Variants in TRPS1 observed in about 807,000 individuals in gnomAD.
TRPS1 encodes the protein zinc finger transcription factor Trps1.
A neutral mutation model predicts 101.2 loss-of-function variants in TRPS1; 6 were observed. The observed-to-expected ratio is 0.06, with a 90% confidence interval of 0.03 to 0.12. The LOEUF (loss-of-function observed/expected upper bound fraction) is 0.12, where lower values mean the gene tolerates loss of function less well. TRPS1 is among the 10% of genes least tolerant of loss of function. The pLI, the probability that TRPS1 is intolerant of heterozygous loss-of-function variation, is 1.00. For missense variants in TRPS1, 1,363 were observed against 1,567.0 expected (o/e 0.87, Z 2.20); for synonymous variants, 578 against 589.8 (o/e 0.98, Z 0.29).
intron 5 of TRPS1, among the ~76,000 whole-genome samples, chr8:115,467,368 A>AAATCAG (rs1814348906): frequency 1.3e-5 from 2 of 152,100 alleles, no homozygotes; most frequent in Admixed American, 1.3e-4. Flanking sequence ...TGTTGGAAAG[A>AAATCAG]AATCAGTGGT....
chr8:115,603,748 T>C, intron 4 of TRPS1, 125 bp downstream of exon 4: 2 of 1,135,346 alleles, frequency 1.8e-6, no homozygotes, highest in Non-Finnish European at 2.5e-6. Flanking sequence ...TTATGTGGTC[T>C]TCTCCTATAA....
At chr8:115,593,431 T>C (rs1168422069) in intron 4 of TRPS1, among the ~76,000 whole-genome samples, 1 of 152,222 alleles carries the variant, frequency 6.6e-6, no homozygotes, top group African/African-American at 2.4e-5. Context: ...ACTTTTGCTC[T>C]TGTCTATGGT....
At chr8:115,607,944 A>C (rs747786213) in intron 3 of TRPS1, among the ~76,000 whole-genome samples, 2 of 152,156 alleles carry the variant, frequency 1.3e-5, no homozygotes, top group African/African-American at 4.8e-5. Context: ...TTTTATTTGC[A>C]TGCCCCATTT....
chr8:115,500,048 AAGACGCGATCTC>A (rs1369586476), intron 5 of TRPS1, among the ~76,000 whole-genome samples: 1 of 148,736 alleles, frequency 6.7e-6, no homozygotes, highest in Non-Finnish European at 1.5e-5. Context: ...CCTTTTTTCC[AAGACGCGATCTC>A]GCTCTATCAC....
intron 5 of TRPS1, among the ~76,000 whole-genome samples, chr8:115,427,379 C>T (rs1813211995): frequency 6.6e-6 from 1 of 152,126 alleles, no homozygotes; most frequent in South Asian, 2.1e-4. Context: ...TTTAAATAAT[C>T]ATCATTGCAC....
intron 5 of TRPS1, among the ~76,000 whole-genome samples, chr8:115,492,457 C>CTGTG (rs72046761): frequency 4.1e-4 from 59 of 145,484 alleles, no homozygotes; most frequent in African/African-American, 1.4e-3. Context: ...GTGCCAAGCA[C>CTGTG]TGTGTGTGTG....
intron 5 of TRPS1, among the ~76,000 whole-genome samples, chr8:115,548,300 A>T (rs562095398): frequency 7.9e-5 from 12 of 152,160 alleles, no homozygotes; most frequent in Non-Finnish European, 1.6e-4. Context: ...TTAGAAACCA[A>T]ATCAACAACA....
intron 5 of TRPS1, among the ~76,000 whole-genome samples, chr8:115,584,364 A>G (rs892162990): frequency 4.6e-5 from 7 of 152,020 alleles, no homozygotes; most frequent in Admixed American, 2.0e-4. Context: ...GATAGTTTAC[A>G]TTTCTTAAAT....
At chr8:115,447,792 C>G (rs1361111430) in intron 5 of TRPS1, among the ~76,000 whole-genome samples, 1 of 152,050 alleles carries the variant, frequency 6.6e-6, no homozygotes, top group Non-Finnish European at 1.5e-5. Flanking sequence ...AAACCCAAAA[C>G]TTATGTTCAG....
At chr8:115,461,304 GATACATAC>G (rs57142241) in intron 5 of TRPS1, among the ~76,000 whole-genome samples, 52 of 75,440 alleles carry the variant, frequency 6.9e-4, no homozygotes, top group South Asian at 3.4e-3. Context: ...TAGATAGACA[GATACATAC>G]ATACATACAT....
At chr8:115,453,040 G>A (rs1263321786) in intron 5 of TRPS1, among the ~76,000 whole-genome samples, 1 of 141,532 alleles carries the variant, frequency 7.1e-6, no homozygotes, top group African/African-American at 2.6e-5. Context: ...TTTTTTTTTT[G>A]AGATGGGTTC....
At chr8:115,568,157 T>C (rs532508372) in intron 5 of TRPS1, among the ~76,000 whole-genome samples, 1 of 152,234 alleles carries the variant, frequency 6.6e-6, no homozygotes, top group Non-Finnish European at 1.5e-5. Context: ...AGATACCATG[T>C]ATTATTGTAC....
At chr8:115,550,125 T>G (rs544371854) in intron 5 of TRPS1, among the ~76,000 whole-genome samples, 1 of 152,068 alleles carries the variant, frequency 6.6e-6, no homozygotes, top group Non-Finnish European at 1.5e-5. Flanking sequence ...GCTGCGACAG[T>G]AGAATTGCTT....
Position 115,414,941 on chromosome 8 carries a change from A to G in TRPS1, c.2967T>C (p.Asn989=), listed in dbSNP as rs1812880422. 6.3e-7 allele frequency: 1 copy of G among 1,597,268 alleles called. No homozygotes were observed. The highest frequency in any genetic ancestry group is 8.5e-7 in the Non-Finnish European group (1 of 1,172,148). Residue 989 remains asparagine (N), a synonymous_variant, in exon 7 of 7, where the codon AAT becomes AAC. Coordinates refer to ENST00000395715, the MANE Select transcript of TRPS1 (RefSeq NM_014112.5). This position sits in a 1 kb window ranked among gnomAD's most constrained non-coding sequence, Gnocchi z 4.8. ...QQRGSNEEQV[N]GSPLERRSED... is the part of the protein sequence containing the mutation. ...CTGACCTCCTCTCTAACGGGCTTCC[A>G]TTGACTTGCTCCTCATTGCTGCCCC...
intron 5 of TRPS1, among the ~76,000 whole-genome samples, chr8:115,492,544 T>TG (rs530888245): frequency 3.0e-4 from 46 of 151,892 alleles, no homozygotes; most frequent in Admixed American, 2.7e-3. Flanking sequence ...AATAACTCTA[T>TG]GGGGTGGGTG....
chr8:115,502,371 T>C (rs550184534), intron 5 of TRPS1, among the ~76,000 whole-genome samples: 3 of 152,316 alleles, frequency 2.0e-5, no homozygotes, highest in African/African-American at 7.2e-5. Flanking sequence ...ACTAGAATAC[T>C]GAAAGGCTTA....
At chr8:115,463,120 T>C (rs185899965) in intron 5 of TRPS1, among the ~76,000 whole-genome samples, 61 of 152,306 alleles carry the variant, frequency 4.0e-4, no homozygotes, top group Non-Finnish European at 6.8e-4. Flanking sequence ...AATAAATGCA[T>C]TCATGATATT....
intron 5 of TRPS1, among the ~76,000 whole-genome samples, chr8:115,463,002 C>G (rs932771708): frequency 6.6e-6 from 1 of 152,158 alleles, no homozygotes; most frequent in Middle Eastern, 3.2e-3. Flanking sequence ...TCTCAACTTT[C>G]TCATCTGTAA....
intron 5 of TRPS1, among the ~76,000 whole-genome samples, chr8:115,452,419 A>C (rs1427605229): frequency 6.6e-6 from 1 of 152,222 alleles, no homozygotes; most frequent in Non-Finnish European, 1.5e-5. Flanking sequence ...TCTTTTCACC[A>C]AACAAAAAAA....
Sources: allele counts gnomAD v4.1 joint callset (sites outside exome capture counted in the v4.1 genomes callset), GRCh38; gene constraint gnomAD v4.1.1; non-coding constraint Gnocchi (gnomAD v3.1); transcripts MANE v1.5; gene names NCBI Gene and HGNC (gene_info 2026-07-23, HGNC 2026-07-21).